UNC5C: variants seen among roughly 807,000 people sequenced by gnomAD.
UNC5C encodes the protein unc-5 netrin receptor C, also known as netrin receptor UNC5C.
UNC5C carries 47 observed loss-of-function variants against 99.8 expected under a neutral mutation model. The ratio of observed to expected loss-of-function variants is 0.47; its 90% confidence interval spans 0.37 to 0.60. The LOEUF is 0.60. UNC5C is among the 20% of genes least tolerant of loss of function. The pLI, the probability that UNC5C is intolerant of heterozygous loss-of-function variation, is 0.00. For missense variants in UNC5C, 1,062 were observed against 1,165.9 expected (o/e 0.91, Z 1.30); for synonymous variants, 487 against 452.2 (o/e 1.08, Z -0.98).
chr4:95,177,355 G>A (rs1736406740), intron 14 of UNC5C, among the ~76,000 whole-genome samples: 2 of 152,264 alleles, frequency 1.3e-5, no homozygotes, highest in African/African-American at 2.4e-5. Context: ...GAAGTGTTTG[G>A]TTCCTGCTGA....
chr4:95,232,172 GT>G (rs558465950), intron 7 of UNC5C, among the ~76,000 whole-genome samples: 56 of 151,386 alleles, frequency 3.7e-4, no homozygotes, highest in Middle Eastern at 3.4e-3. Context: ...CTACTCAAGT[GT>G]TTTTATATGT....
chr4:95,496,783 C>T (rs750175748), intron 1 of UNC5C, among the ~76,000 whole-genome samples: 3 of 151,738 alleles, frequency 2.0e-5, no homozygotes, highest in Non-Finnish European at 4.4e-5. Context: ...GGTGCACCTA[C>T]CACCCAAGAA....
intron 14 of UNC5C, among the ~76,000 whole-genome samples, chr4:95,175,237 A>G (rs1487171457): frequency 1.3e-5 from 2 of 151,562 alleles, no homozygotes; most frequent in Non-Finnish European, 2.9e-5. Context: ...CATTTAGTCC[A>G]TTTACATTTA....
At chr4:95,545,616 A>AT (rs973588752) in intron 1 of UNC5C, among the ~76,000 whole-genome samples, 33 of 152,308 alleles carry the variant, frequency 2.2e-4, no homozygotes, top group African/African-American at 7.0e-4. Context: ...GACTTCAGTA[A>AT]TTTTTTGTCC....
chr4:95,216,303 G>C, intron 9 of UNC5C, 92 bp from the exon 10 acceptor site: 1 of 931,718 alleles, frequency 1.1e-6, no homozygotes, highest in Non-Finnish European at 1.6e-6. Flanking sequence ...CCATAAGCCT[G>C]CTTCATTTTC....
chr4:95,439,441 C>A, intron 1 of UNC5C, among the ~76,000 whole-genome samples: 1 of 147,864 alleles, frequency 6.8e-6, no homozygotes, highest in African/African-American at 2.5e-5. Flanking sequence ...GTTTATTTAA[C>A]ACAAAGCACA....
intron 1 of UNC5C, among the ~76,000 whole-genome samples, chr4:95,527,882 C>T (rs1722538675): frequency 6.6e-6 from 1 of 152,078 alleles, no homozygotes; most frequent in Non-Finnish European, 1.5e-5. Flanking sequence ...CCCCTATATT[C>T]CTCCCACATT....
At chr4:95,201,473 T>C (rs932041451) in intron 12 of UNC5C, among the ~76,000 whole-genome samples, 9 of 152,190 alleles carry the variant, frequency 5.9e-5, no homozygotes, top group African/African-American at 2.2e-4. Context: ...GTCTTTTTTC[T>C]GTTTAAACCT....
chr4:95,314,775 C>CA (rs951136663), intron 2 of UNC5C, among the ~76,000 whole-genome samples: 2 of 152,094 alleles, frequency 1.3e-5, no homozygotes, highest in African/African-American at 4.8e-5. Context: ...TTATCTCTTG[C>CA]AAAAACATCA....
At position 95,328,222 on chromosome 4, in the gene UNC5C, G is replaced by A. The variant is rs1244293149; in HGVS notation, c.346+7188C>T. Reference sequence around the variant, plus strand: ...CAATGCTATCCCTCCCCCCTCCCCCGACCCCACCACAGTCCCCAGAGTGTG... The same window carrying A: ...CAATGCTATCCCTCCCCCCTCCCCCAACCCCACCACAGTCCCCAGAGTGTG... On this transcript the variant is annotated intron_variant, in intron 2 of 15. Transcript: ENST00000453304. Among the ~76,000 whole-genome samples the A allele has an allele frequency of 8.5e-5, 5 of 59,166 alleles. No homozygotes were observed. The South Asian group carries it at 2.8e-3, about 33-fold the overall frequency. The allele number at this position is 59,166 out of a possible 152,430, so 38.8% of individuals were successfully genotyped here.
intron 12 of UNC5C, among the ~76,000 whole-genome samples, chr4:95,191,923 C>T (rs575233717): frequency 2.3e-5 from 3 of 131,606 alleles, no homozygotes; most frequent in Admixed American, 7.4e-5. Context: ...TTCCCCCTGC[C>T]CACCTCCTCC....
intron 1 of UNC5C, among the ~76,000 whole-genome samples, chr4:95,531,613 C>T (rs1301562579): frequency 6.6e-6 from 1 of 152,170 alleles, no homozygotes; most frequent in Admixed American, 6.5e-5. Flanking sequence ...GTCAAAAAAT[C>T]AAAATATCCT....
intron 1 of UNC5C, among the ~76,000 whole-genome samples, chr4:95,399,852 T>C (rs887998222): frequency 3.9e-5 from 6 of 152,214 alleles, no homozygotes; most frequent in Non-Finnish European, 5.9e-5. Context: ...AAACTAATTA[T>C]GTATGGGAGT....
chr4:95,284,880 A>G (rs1278951240), intron 3 of UNC5C, among the ~76,000 whole-genome samples: 1 of 152,132 alleles, frequency 6.6e-6, no homozygotes, highest in Non-Finnish European at 1.5e-5. Flanking sequence ...CCATCTCTTG[A>G]GCAACTTTGC....
At chr4:95,327,990 G>T (rs1013719138) in intron 2 of UNC5C, among the ~76,000 whole-genome samples, 2 of 136,654 alleles carry the variant, frequency 1.5e-5, no homozygotes, top group African/African-American at 5.3e-5. Context: ...AAATAGCATT[G>T]TTTATAACAT....
At chr4:95,332,812 A>C (rs1743171941) in intron 2 of UNC5C, among the ~76,000 whole-genome samples, 1 of 151,962 alleles carries the variant, frequency 6.6e-6, no homozygotes, top group Admixed American at 6.6e-5. Flanking sequence ...AAATTTTCAC[A>C]ACCTACTCAT....
chr4:95,164,055 C>G lies in UNC5C; in HGVS notation c.*5179G>C, dbSNP rs1372098441. ...TGAATACAATGAGGTGACAGGAAAA[C>G]CTAGGAACCATGACTTATGAAGACT... On this transcript the variant is annotated 3_prime_UTR_variant, in exon 16 of 16. Coordinates refer to ENST00000453304, the MANE Select transcript of UNC5C (RefSeq NM_003728.4). 6.6e-6 allele frequency: 1 copy of G among 152,148 alleles called. No individual in the cohort carries two copies. Among genetic ancestry groups the G allele is most frequent in the Non-Finnish European group, 1.5e-5 (1 of 68,038 alleles). The allele number at this position is 152,148 out of a possible 1,614,324, so 9.4% of individuals were successfully genotyped here. A position where few individuals can be genotyped will look rare whatever the true frequency, so the allele number is the denominator to read the frequency against.
At chr4:95,210,803 T>A (rs781414668) in intron 10 of UNC5C, among the ~76,000 whole-genome samples, 17 of 152,240 alleles carry the variant, frequency 1.1e-4, no homozygotes, top group Non-Finnish European at 2.2e-4. Flanking sequence ...AAATATTTTC[T>A]CATCCTTTGC....
chr4:95,272,843 G>A (rs1465341336), intron 4 of UNC5C, among the ~76,000 whole-genome samples: 1 of 152,178 alleles, frequency 6.6e-6, no homozygotes. Flanking sequence ...AGAGTGTAAA[G>A]CACCACTCTG....
Sources: gnomAD v4.1 joint callset for allele counts (sites outside exome capture counted in the v4.1 genomes callset) on GRCh38, gnomAD v4.1.1 for gene constraint, MANE v1.5 for transcripts, NCBI Gene and HGNC (gene_info 2026-07-23, HGNC 2026-07-21) for gene names.